The following INO80 variants were observed in gnomAD, a reference collection of about 807,000 sequenced individuals.
INO80 encodes the protein chromatin-remodeling ATPase INO80.
INO80 carries 20 observed loss-of-function variants against 203.4 expected under a neutral mutation model. The ratio of observed to expected loss-of-function variants is 0.10; its 90% CI spans 0.07 to 0.14. The LOEUF (loss-of-function observed/expected upper bound fraction) is 0.14, where lower values mean the gene tolerates loss of function less well. Ranked by LOEUF, INO80 falls within the 10% of genes least tolerant of loss-of-function variation. INO80 has a pLI of 1.00. For synonymous variants in INO80, 726 were observed against 685.2 expected (o/e 1.06, Z -0.93); for missense variants, 1,419 against 1,914.4 (o/e 0.74, Z 4.83).
chr15:41,045,730 A>C (rs1038099409), intron 23 of INO80, among the ~76,000 whole-genome samples: 1 of 146,942 alleles, frequency 6.8e-6, no homozygotes, highest in Non-Finnish European at 1.5e-5. Flanking sequence ...TCACCTCTAC[A>C]AAAAAAAAAG....
chr15:41,063,647 G>A (rs1596303974), intron 14 of INO80, among the ~76,000 whole-genome samples: 1 of 151,962 alleles, frequency 6.6e-6, no homozygotes, highest in East Asian at 2.0e-4. Context: ...GGTGGCATGC[G>A]CCTGTAATCC....
intron 25 of INO80, chr15:41,023,256 G>A: frequency 2.2e-6 from 1 of 455,802 alleles, no homozygotes; most frequent in Non-Finnish European, 4.4e-6. Context: ...TGAAAATTGG[G>A]TCTCTCTCCC....
intron 7 of INO80, 38 bp from the exon 8 acceptor site, chr15:41,081,111 A>C: frequency 7.8e-7 from 1 of 1,287,714 alleles, no homozygotes. Context: ...TTTAGGATTC[A>C]TTTTTGAACT....
At chr15:41,039,853 G>T (rs543027834) in intron 24 of INO80, among the ~76,000 whole-genome samples, 2 of 152,202 alleles carry the variant, frequency 1.3e-5, no homozygotes, top group East Asian at 1.9e-4. Flanking sequence ...TGCTCACATC[G>T]GTGGTTTCCA....
chr15:41,050,079 T>G lies in INO80; in HGVS notation c.2298A>C (p.Gln766His). Residue 766 changes from glutamine (Q) to histidine (H), a missense_variant, in exon 20 of 36, where the codon CAA (glutamine) becomes CAC (histidine). This residue lies in a region of INO80 where 192 missense variants were observed against 406.7 expected (regional missense o/e 0.47). Transcript: ENST00000648947. ...ATAGCAGCTTCTGTCGGCTGGTCAG[T>G]TGGCAATACATTAGAATCTCAATCT... is the stretch of plus-strand genomic sequence containing the variant. ...SDKIEILMYC[Q>H]LTSRQKLLYQ... 6.2e-7 allele frequency: 1 copy of G among 1,612,452 alleles called. No individual in the cohort carries two copies. The highest frequency in any genetic ancestry group is 2.2e-5 in the East Asian group (1 of 44,876).
intron 24 of INO80, among the ~76,000 whole-genome samples, chr15:41,042,152 A>G (rs113525457): frequency 2.8e-4 from 42 of 151,524 alleles, no homozygotes; most frequent in African/African-American, 1.0e-3. Context: ...AGCTGAGATT[A>G]CAGGTATGTG....
chr15:40,991,904 G>C (rs2043821745), intron 29 of INO80, among the ~76,000 whole-genome samples: 1 of 152,014 alleles, frequency 6.6e-6, no homozygotes, highest in Admixed American at 6.6e-5. Flanking sequence ...CTCCCGAGTA[G>C]CTGGGAGGGA....
chr15:41,096,084 A>G (rs1366003596), intron 2 of INO80, 84 bp downstream of exon 2: 4 of 1,448,248 alleles, frequency 2.8e-6, no homozygotes, highest in Non-Finnish European at 3.7e-6. Flanking sequence ...TAAAAATCAT[A>G]AGATACTTTA....
At chr15:41,022,725 T>A (rs1329613550) in intron 25 of INO80, among the ~76,000 whole-genome samples, 1 of 152,216 alleles carries the variant, frequency 6.6e-6, no homozygotes, top group Non-Finnish European at 1.5e-5. Flanking sequence ...AAACTGGGCC[T>A]GGAGTTCCAA....
In INO80 at chr15:41,046,479, G is replaced by A. The variant is rs373982062; in HGVS notation, c.2735+929C>T. On this transcript the variant is annotated intron_variant, in intron 23 of 35. Coordinates refer to ENST00000648947, the MANE Select transcript of INO80 (RefSeq NM_017553.3). ...TGACCTCAGGTGACCCACCTGCCTCGGCCTCCCAAAGTGCTGGATTACAGG... is the reference window on the plus strand; with the variant it reads ...TGACCTCAGGTGACCCACCTGCCTCAGCCTCCCAAAGTGCTGGATTACAGG... Among the ~76,000 whole-genome samples the A allele has an allele frequency of 2.2e-4, 34 of 151,394 alleles. No homozygotes were observed. In the East Asian group the frequency reaches 4.1e-3, roughly 18 times the overall value.
At chr15:41,007,998 AC>A (rs927919930) in intron 27 of INO80, among the ~76,000 whole-genome samples, 1 of 152,078 alleles carries the variant, frequency 6.6e-6, no homozygotes, top group Non-Finnish European at 1.5e-5. Context: ...ACATGGCGAA[AC>A]CCCATCTCTA....
chr15:41,106,757 AAT>A (rs1359720745), intron 1 of INO80, among the ~76,000 whole-genome samples: 1 of 152,222 alleles, frequency 6.6e-6, no homozygotes, highest in Non-Finnish European at 1.5e-5. Flanking sequence ...TATATCTATA[AAT>A]ATTTCTACAT....
chr15:41,012,802 A>G (rs1422924351), intron 27 of INO80, among the ~76,000 whole-genome samples: 7 of 152,082 alleles, frequency 4.6e-5, no homozygotes, highest in Non-Finnish European at 7.4e-5. Flanking sequence ...AAATACTACT[A>G]TTTGGATGCC....
intron 9 of INO80, among the ~76,000 whole-genome samples, chr15:41,075,145 T>G (rs1433484716): frequency 6.6e-6 from 1 of 152,240 alleles, no homozygotes; most frequent in Non-Finnish European, 1.5e-5. Context: ...CTTTCTTACA[T>G]TACTTTTCTA....
At chr15:41,045,995 G>A (rs1298323569) in intron 23 of INO80, among the ~76,000 whole-genome samples, 6 of 151,558 alleles carry the variant, frequency 4.0e-5, no homozygotes, top group African/African-American at 1.5e-4. Context: ...TTATACCAGA[G>A]AACAGAGAAT....
At chr15:40,987,658 T>C (rs899579988) in intron 30 of INO80, among the ~76,000 whole-genome samples, 158 bp downstream of exon 30, 4 of 152,206 alleles carry the variant, frequency 2.6e-5, no homozygotes, top group African/African-American at 7.2e-5. Context: ...AAAATTGCTA[T>C]TGCATGGGAC....
At chr15:41,033,328 T>G (rs1006365234) in intron 24 of INO80, among the ~76,000 whole-genome samples, 1 of 151,404 alleles carries the variant, frequency 6.6e-6, no homozygotes, top group Non-Finnish European at 1.5e-5. Context: ...CTCTGCTGCC[T>G]GAATCAGAAT....
intron 4 of INO80, among the ~76,000 whole-genome samples, chr15:41,094,816 C>T (rs1051470972): frequency 3.9e-5 from 6 of 152,046 alleles, no homozygotes; most frequent in African/African-American, 1.4e-4. Context: ...TTTTGAGCAC[C>T]AATAAGATGC....
chr15:40,985,539 A>G (rs2043718627), intron 31 of INO80, 113 bp from the exon 32 acceptor site: 2 of 822,002 alleles, frequency 2.4e-6, no homozygotes, highest in African/African-American at 3.3e-5. Flanking sequence ...TATCACTTCT[A>G]TCTGTTTAAG....
Sources: gnomAD v4.1 joint callset for allele counts (sites outside exome capture counted in the v4.1 genomes callset) on GRCh38, gnomAD v4.1.1 for gene constraint, gnomAD v4.1.1 regional missense constraint, MANE v1.5 for transcripts, NCBI Gene and HGNC (gene_info 2026-07-23, HGNC 2026-07-21) for gene names.